The following MRPS6 variants were observed in gnomAD, a reference collection of about 807,000 sequenced individuals.
The protein encoded by MRPS6 is mitochondrial ribosomal protein S6, also known as small ribosomal subunit protein bS6m.
Under a neutral mutation model 13.1 loss-of-function variants are expected in MRPS6, and 6 were observed. The ratio of observed to expected loss-of-function variants is 0.46; its 90% CI spans 0.25 to 0.91. The LOEUF is 0.91. Among genes scored for constraint, MRPS6 ranks in the 40% least tolerant of loss-of-function variants. The pLI is 0.18. For missense variants in MRPS6, 164 were observed against 155.6 expected (o/e 1.05, Z -0.29); for synonymous variants, 61 against 56.5 (o/e 1.08, Z -0.36).
Position 34,110,156 on chromosome 21 carries a change from A to G in MRPS6, c.46-15185A>G, listed in dbSNP as rs144251759. ...AGCGATGAAAATTGTTCACATTTCAAAGGGGCCTTAAAAGCTGCGTAGTTG... is the reference window on the plus strand; with the variant it reads ...AGCGATGAAAATTGTTCACATTTCAGAGGGGCCTTAAAAGCTGCGTAGTTG... On this transcript the variant is annotated intron_variant, in intron 1 of 2. Transcript: ENST00000399312. Among the ~76,000 whole-genome samples the G allele has an allele frequency of 8.1e-4, 124 of 152,256 alleles. No homozygotes were observed. The East Asian group carries it at 0.019, about 23-fold the overall frequency.
chr21:34,103,399 A>G lies in MRPS6; in HGVS notation c.46-21942A>G, dbSNP rs1046787099. 5.0e-6 allele frequency: 5 copies of G among 995,826 alleles called. No homozygotes were observed. In the African/African-American group the frequency reaches 5.3e-5, roughly 11 times the overall value. 61.7% of individuals were successfully genotyped at this position (995,826 alleles called of 1,614,324 possible). ...GTTCAGTGAAACCAGGTAGTTCTGT[A>G]TTTGTGTTGTAGCCTAAATGTTGTT... On this transcript the variant is annotated intron_variant, in intron 1 of 2. Coordinates refer to ENST00000399312, the MANE Select transcript of MRPS6 (RefSeq NM_032476.4).
chr21:34,095,055 C>G, intron 1 of MRPS6: 1 of 957,230 alleles, frequency 1.0e-6, no homozygotes, highest in South Asian at 2.0e-5. Flanking sequence ...GACAGCAAAC[C>G]AAAGGACAAA....
At chr21:34,142,292 G>A in intron 2 of MRPS6, 116 bp from the exon 3 acceptor site, 1 of 1,112,542 alleles carries the variant, frequency 9.0e-7, no homozygotes, top group South Asian at 1.9e-5. Context: ...GTGTGTATGT[G>A]TGTGTTTGTG....
chr21:34,074,233 G>A (rs1216027423), intron 1 of MRPS6, among the ~76,000 whole-genome samples: 1 of 151,432 alleles, frequency 6.6e-6, no homozygotes, highest in East Asian at 1.9e-4. Context: ...TCTAGCGCCC[G>A]CCGGCCGCCC....
chr21:34,102,718 AAC>A (rs1456516517), intron 1 of MRPS6: 6 of 1,000,030 alleles, frequency 6.0e-6, no homozygotes, highest in East Asian at 2.3e-4. Context: ...ATCAAGACAA[AAC>A]ACAGTGGTCT....
At chr21:34,103,722 A>C in intron 1 of MRPS6, 1 of 1,000,112 alleles carries the variant, frequency 1.0e-6, no homozygotes, top group Middle Eastern at 5.2e-4. Context: ...AGCCCAAGAC[A>C]ATGCGGTATC....
intron 1 of MRPS6, among the ~76,000 whole-genome samples, chr21:34,116,821 G>T (rs1207713286): frequency 6.6e-6 from 1 of 152,094 alleles, no homozygotes; most frequent in Non-Finnish European, 1.5e-5. Flanking sequence ...CATGCGAGAG[G>T]ATGATCAAAG....
At chr21:34,099,882 G>T (rs550318823) in intron 1 of MRPS6, 2 of 367,576 alleles carry the variant, frequency 5.4e-6, no homozygotes, top group African/African-American at 4.4e-5. Flanking sequence ...CCCAGTAATA[G>T]ATAATGTGCT....
At chr21:34,095,581 C>G (rs370993290) in intron 1 of MRPS6, 87 of 1,613,358 alleles carry the variant, frequency 5.4e-5, no homozygotes, top group Non-Finnish European at 7.0e-5. Flanking sequence ...TATTTTGCAG[C>G]CTTGTCTCTG....
chr21:34,098,433 C>A, intron 1 of MRPS6: 1 of 999,914 alleles, frequency 1.0e-6, no homozygotes, highest in Non-Finnish European at 1.2e-6. Flanking sequence ...ATTCTGATAT[C>A]TTATTGCATC....
chr21:34,099,347 T>C (rs1181672886), intron 1 of MRPS6: 2 of 1,000,142 alleles, frequency 2.0e-6, no homozygotes, highest in African/African-American at 1.7e-5. Flanking sequence ...TCTGGACTCA[T>C]GGTTTGTTCA....
intron 1 of MRPS6, among the ~76,000 whole-genome samples, chr21:34,115,869 T>C (rs925029875): frequency 6.6e-6 from 1 of 151,294 alleles, no homozygotes; most frequent in Non-Finnish European, 1.5e-5. Flanking sequence ...TAGGGAAGAC[T>C]AATACCTTGC....
intron 1 of MRPS6, chr21:34,100,301 G>T (rs1979174927): frequency 1.0e-6 from 1 of 1,000,128 alleles, no homozygotes; most frequent in South Asian, 4.7e-5. Flanking sequence ...TATGCAGGAT[G>T]ATTATTGCAT....
At chr21:34,127,687 T>G (rs1355548684) in intron 2 of MRPS6, among the ~76,000 whole-genome samples, 1 of 152,208 alleles carries the variant, frequency 6.6e-6, no homozygotes. Flanking sequence ...TCTGATATTC[T>G]CTTGGCTTCA....
At chr21:34,084,083 C>T (rs1989517706) in intron 1 of MRPS6, among the ~76,000 whole-genome samples, 1 of 152,120 alleles carries the variant, frequency 6.6e-6, no homozygotes, top group South Asian at 2.1e-4. Flanking sequence ...CTACCAGTCC[C>T]TCCAAATACT....
chr21:34,091,440 A>G (rs1198122311), intron 1 of MRPS6, among the ~76,000 whole-genome samples: 3 of 152,168 alleles, frequency 2.0e-5, no homozygotes, highest in Admixed American at 6.5e-5. Context: ...TTTGGAAGAT[A>G]AATTATATGG....
chr21:34,080,878 A>G (rs1232138150), intron 1 of MRPS6, among the ~76,000 whole-genome samples: 1 of 152,238 alleles, frequency 6.6e-6, no homozygotes, highest in African/African-American at 2.4e-5. Flanking sequence ...TTTGCTTACA[A>G]GTCAGTGCAC....
intron 2 of MRPS6, among the ~76,000 whole-genome samples, chr21:34,133,080 C>T (rs908418099): frequency 6.6e-6 from 1 of 152,204 alleles, no homozygotes; most frequent in African/African-American, 2.4e-5. Context: ...TCTTCCCTTT[C>T]CTCAATTGCC....
intron 2 of MRPS6, among the ~76,000 whole-genome samples, chr21:34,139,695 A>G (rs1296241641): frequency 6.6e-6 from 1 of 152,078 alleles, no homozygotes; most frequent in Non-Finnish European, 1.5e-5. Context: ...CTCACACTTC[A>G]GCCTCCCCAG....
Sources: allele counts gnomAD v4.1 joint callset (sites outside exome capture counted in the v4.1 genomes callset), GRCh38; gene constraint gnomAD v4.1.1; transcripts MANE v1.5; gene names NCBI Gene and HGNC (gene_info 2026-07-23, HGNC 2026-07-21).